The following COL6A6 variants were observed in gnomAD, a reference collection of about 807,000 sequenced individuals.
COL6A6 encodes the protein collagen type VI alpha 6 chain, also known as collagen alpha-6(VI) chain.
COL6A6 carries 183 observed loss-of-function variants against 208.6 expected under a neutral mutation model. The observed-to-expected ratio is 0.88, with a 90% CI of 0.78 to 0.99. The LOEUF (loss-of-function observed/expected upper bound fraction) is 0.99, where lower values mean the gene tolerates loss of function less well. Ranked by LOEUF, COL6A6 falls within the 50% of genes least tolerant of loss-of-function variation. The pLI, the probability that COL6A6 is intolerant of heterozygous loss-of-function variation, is 0.00. For missense variants in COL6A6, 2,816 were observed against 2,815.2 expected (o/e 1.00, Z -0.01); for synonymous variants, 973 against 1,011.8 (o/e 0.96, Z 0.73).
At chr3:130,644,950 T>C in intron 31 of COL6A6, 41 bp from the exon 32 acceptor site, 2 of 1,598,522 alleles carry the variant, frequency 1.3e-6, no homozygotes, top group East Asian at 4.5e-5. Flanking sequence ...TCTCTTCTCC[T>C]ACCAAATAAT....
chr3:130,521,031 AG>A (rs1242980769), intron 1 of COL6A6, among the ~76,000 whole-genome samples: 3 of 152,214 alleles, frequency 2.0e-5, no homozygotes, highest in African/African-American at 7.2e-5. Flanking sequence ...TGTAAACCTC[AG>A]TATTCTCCTT....
At chr3:130,658,009 C>G (rs532035464) in intron 33 of COL6A6, among the ~76,000 whole-genome samples, 2 of 152,244 alleles carry the variant, frequency 1.3e-5, no homozygotes, top group African/African-American at 4.8e-5. Context: ...CTCAAGCTCC[C>G]CCTGTGGGTT....
intron 26 of COL6A6, 86 bp from the exon 27 acceptor site, chr3:130,634,504 C>T: frequency 1.6e-6 from 2 of 1,225,504 alleles, no homozygotes; most frequent in Non-Finnish European, 2.3e-6. Flanking sequence ...ACCAAAACTA[C>T]ACAGGGCAGC....
At chr3:130,625,168 G>A (rs1472757307) in intron 24 of COL6A6, among the ~76,000 whole-genome samples, 1 of 152,188 alleles carries the variant, frequency 6.6e-6, no homozygotes, top group African/African-American at 2.4e-5. Flanking sequence ...AGCACACTTT[G>A]AGAACCGCTG....
At chr3:130,521,250 C>T (rs561769165) in intron 1 of COL6A6, among the ~76,000 whole-genome samples, 5 of 152,216 alleles carry the variant, frequency 3.3e-5, no homozygotes, top group South Asian at 4.2e-4. Flanking sequence ...TTATTTAGTC[C>T]GTTAAAAACA....
chr3:130,598,157 C>A (rs1186031518), intron 18 of COL6A6, among the ~76,000 whole-genome samples: 4 of 152,250 alleles, frequency 2.6e-5, no homozygotes, highest in Middle Eastern at 3.4e-3. Context: ...CACACACATG[C>A]CTTAGGTCTC....
intron 2 of COL6A6, 31 bp downstream of exon 2, chr3:130,560,459 T>A (rs2062858106): frequency 9.6e-6 from 15 of 1,565,268 alleles, no homozygotes; most frequent in Non-Finnish European, 1.3e-5. Context: ...ATTCTTAATT[T>A]TGATTATAGA....
intron 36 of COL6A6, among the ~76,000 whole-genome samples, chr3:130,670,514 G>A (rs2066186233): frequency 6.6e-6 from 1 of 152,194 alleles, no homozygotes; most frequent in South Asian, 2.1e-4. Context: ...TCACTTGCCA[G>A]TCAACCTCCC....
rs1358589450 is a variant in COL6A6 at position 130,662,184 on chromosome 3, C to CAAGGAACTGGAGGA, written c.6379_6392dup (p.Asp2131GlufsTer31). On this transcript the variant is annotated frameshift_variant, in exon 35 of 37. Coordinates refer to ENST00000358511, the MANE Select transcript of COL6A6 (RefSeq NM_001102608.3). LOFTEE classifies it high-confidence loss of function. ...TTTCCCTTGGCCCTATTTGGGATGACAAGGAACTGGAGGATCTCGCCAGCC... is the reference window on the plus strand; with the variant it reads ...TTTCCCTTGGCCCTATTTGGGATGACAAGGAACTGGAGGAAAGGAACTGGAGGATCTCGCCAGCC... 1 of 1,613,836 alleles carries CAAGGAACTGGAGGA rather than the reference C, an allele frequency of 6.2e-7. No individual in the cohort carries two copies. Among genetic ancestry groups the CAAGGAACTGGAGGA allele is most frequent in the Non-Finnish European group, 8.5e-7 (1 of 1,179,870 alleles).
At chr3:130,627,397 G>A (rs369123245) in intron 26 of COL6A6, 28 bp downstream of exon 26, 16 of 1,609,216 alleles carry the variant, frequency 9.9e-6, no homozygotes, top group African/African-American at 2.7e-5. Flanking sequence ...GAAGCTGGAC[G>A]TTTTCCATTT....
intron 6 of COL6A6, among the ~76,000 whole-genome samples, chr3:130,569,361 C>G (rs2063106201): frequency 1.3e-5 from 2 of 152,114 alleles, no homozygotes; most frequent in Admixed American, 1.3e-4. Flanking sequence ...TCCCATGAAA[C>G]TGCAGAGTAA....
In COL6A6 at chr3:130,675,238, A is replaced by T. The variant is rs373687031; in HGVS notation, c.6633A>T (p.Glu2211Asp). ...VPGPLKATLKEDVLQKAKFFQ... is the reference protein window; with the variant it reads ...VPGPLKATLKDDVLQKAKFFQ... Reference sequence around the variant, plus strand: ...GACCACTTAAAGCTACCCTCAAAGAAGATGTATTACAGAAGGCAAAATTCT... The same window carrying T: ...GACCACTTAAAGCTACCCTCAAAGATGATGTATTACAGAAGGCAAAATTCT... Residue 2211 changes from glutamate (E) to aspartate (D), a missense_variant, in exon 37 of 37, where the codon GAA becomes GAT. Transcript: ENST00000358511. 6.3e-6 allele frequency: 10 copies of T among 1,586,930 alleles called. No homozygotes were observed. Among genetic ancestry groups the T allele is most frequent in the South Asian group, 1.2e-5 (1 of 86,680 alleles).
At chr3:130,627,562 G>A (rs1001410319) in intron 26 of COL6A6, among the ~76,000 whole-genome samples, 193 bp downstream of exon 26, 2 of 152,178 alleles carry the variant, frequency 1.3e-5, no homozygotes, top group South Asian at 2.1e-4. Context: ...TAAGGTGCAG[G>A]CAACAAGTGA....
chr3:130,523,985 G>A (rs1359024615), intron 1 of COL6A6, among the ~76,000 whole-genome samples: 2 of 151,936 alleles, frequency 1.3e-5, no homozygotes, highest in African/African-American at 4.8e-5. Flanking sequence ...GTTATTCCCC[G>A]CTCCTCCGTG....
intron 8 of COL6A6, 69 bp downstream of exon 8, chr3:130,574,594 T>C: frequency 1.5e-6 from 2 of 1,310,624 alleles, no homozygotes; most frequent in Admixed American, 1.8e-5. Flanking sequence ...TCCAGCTCCA[T>C]TGTCATCCCC....
At chr3:130,546,107 T>C (rs1243572012) in intron 1 of COL6A6, among the ~76,000 whole-genome samples, 1 of 152,172 alleles carries the variant, frequency 6.6e-6, no homozygotes, top group Non-Finnish European at 1.5e-5. Context: ...TGTCCAAAAT[T>C]CATGGGTTCT....
chr3:130,580,161 A>G (rs2063385183), intron 8 of COL6A6, among the ~76,000 whole-genome samples: 1 of 152,202 alleles, frequency 6.6e-6, no homozygotes, highest in Non-Finnish European at 1.5e-5. Flanking sequence ...TTTTCTGCTC[A>G]GGTTTAAACA....
chr3:130,616,633 T>C (rs531989758), intron 23 of COL6A6, among the ~76,000 whole-genome samples: 1 of 151,806 alleles, frequency 6.6e-6, no homozygotes, highest in African/African-American at 2.4e-5. Context: ...TTTTAAATAC[T>C]TATGCTTTCT....
At chr3:130,544,011 A>G (rs1008386770) in intron 1 of COL6A6, among the ~76,000 whole-genome samples, 5 of 152,212 alleles carry the variant, frequency 3.3e-5, no homozygotes, top group Non-Finnish European at 7.3e-5. Flanking sequence ...CATCTAACAC[A>G]GTGGCAGGAG....
Sources: allele counts gnomAD v4.1 joint callset (sites outside exome capture counted in the v4.1 genomes callset), GRCh38; gene constraint gnomAD v4.1.1; transcripts MANE v1.5; gene names NCBI Gene and HGNC (gene_info 2026-07-23, HGNC 2026-07-21).